ATRN: variants seen among roughly 807,000 people sequenced by gnomAD.
ATRN encodes attractin-2.
Under a neutral mutation model 178.7 loss-of-function variants are expected in ATRN, and 54 were observed. The ratio of observed to expected loss-of-function variants is 0.30; its 90% CI spans 0.24 to 0.38. ATRN has a LOEUF of 0.38. Among genes scored for constraint, ATRN ranks in the 10% least tolerant of loss-of-function variants. The pLI, the probability that ATRN is intolerant of heterozygous loss-of-function variation, is 1.00. For missense variants in ATRN, 1,443 were observed against 1,815.1 expected, an observed-to-expected ratio of 0.79 and a Z score of 3.73; for synonymous variants, 636 against 663.0, an observed-to-expected ratio of 0.96 and a Z score of 0.63.
At chr20:3,561,723 T>A (rs780595931) in intron 8 of ATRN, among the ~76,000 whole-genome samples, 10 of 152,220 alleles carry the variant, frequency 6.6e-5, no homozygotes, top group Non-Finnish European at 1.5e-4. Flanking sequence ...TAAATGTTCA[T>A]TTGAGTGAAC....
chr20:3,498,390 T>G (rs1396765830), intron 1 of ATRN, among the ~76,000 whole-genome samples: 1 of 152,094 alleles, frequency 6.6e-6, no homozygotes, highest in Admixed American at 6.6e-5. Context: ...AAAAGAGAAT[T>G]TTAGACCAAT....
At chr20:3,540,885 AT>A (rs1011087630) in intron 3 of ATRN, among the ~76,000 whole-genome samples, 22 of 151,910 alleles carry the variant, frequency 1.4e-4, no homozygotes, top group African/African-American at 3.4e-4. Flanking sequence ...TATTATATAT[AT>A]TTTTTTTCAA....
At chr20:3,643,488 A>T (rs1358968701) in intron 27 of ATRN, among the ~76,000 whole-genome samples, 2 of 151,602 alleles carry the variant, frequency 1.3e-5, no homozygotes, top group Non-Finnish European at 2.9e-5. Flanking sequence ...CAACATAGTG[A>T]GACCCCATTT....
intron 25 of ATRN, among the ~76,000 whole-genome samples, chr20:3,628,697 T>C (rs1036852262): frequency 1.3e-5 from 2 of 152,066 alleles, no homozygotes; most frequent in African/African-American, 4.8e-5. Context: ...ACCCCACAGA[T>C]TAAGCAGGAC....
chr20:3,535,922 G>A (rs2085525803), intron 2 of ATRN, among the ~76,000 whole-genome samples: 2 of 151,752 alleles, frequency 1.3e-5, no homozygotes, highest in African/African-American at 4.8e-5. Context: ...GAGCCACTGC[G>A]CCCAGCCACG....
intron 24 of ATRN, among the ~76,000 whole-genome samples, chr20:3,620,230 GT>G (rs1279990847): frequency 1.3e-5 from 1 of 76,018 alleles, no homozygotes; most frequent in Non-Finnish European, 2.5e-5. Context: ...GTTTTGTTTT[GT>G]TTTGTTTTGT....
At chr20:3,579,797 G>A (rs6139155) in intron 15 of ATRN, among the ~76,000 whole-genome samples, 14,106 of 152,200 alleles carry the variant, frequency 0.093, 995 homozygotes, top group East Asian at 0.32. Context: ...TTACCAAGCA[G>A]GGAGGAGTTG....
At chr20:3,576,300 G>A (rs1253181028) in intron 13 of ATRN, among the ~76,000 whole-genome samples, 4 of 152,044 alleles carry the variant, frequency 2.6e-5, no homozygotes, top group Admixed American at 6.6e-5. Context: ...GGTGTACAGC[G>A]GCCCATATTG....
intron 1 of ATRN, among the ~76,000 whole-genome samples, chr20:3,531,856 G>A (rs2085458019): frequency 6.6e-6 from 1 of 152,156 alleles, no homozygotes; most frequent in Non-Finnish European, 1.5e-5. Context: ...TGCATTATCT[G>A]TAAAATTATA....
intron 1 of ATRN, among the ~76,000 whole-genome samples, chr20:3,500,635 G>A (rs1016744487): frequency 4.1e-5 from 6 of 145,232 alleles, no homozygotes; most frequent in Admixed American, 2.2e-4. Context: ...GAATTGAACA[G>A]TGAGAACTCA....
Position 3,584,696 on chromosome 20 carries a change from A to G in ATRN, c.3000A>G (p.Pro1000=), listed in dbSNP as rs2086331801. 1 of 1,613,996 alleles carries G rather than the reference A, an allele frequency of 6.2e-7. No homozygotes were observed. The highest frequency in any genetic ancestry group is 1.3e-5 in the African/African-American group (1 of 74,904). ...YCTCSHCLEQ[P]GCGWCTDPSN... is the part of the protein sequence containing the mutation. ...CCTGTAGTCATTGCTTGGAGCAACC[A>G]GGCTGTGGCTGGTGTACTGATCCCA... The change falls in exon 18 of 29, where the codon CCA becomes CCG. Residue 1000 remains proline (P), a synonymous_variant. Coordinates refer to ENST00000262919, the MANE Select transcript of ATRN (RefSeq NM_139321.3).
At chr20:3,548,077 G>T (rs1423051137) in intron 5 of ATRN, among the ~76,000 whole-genome samples, 1 of 152,140 alleles carries the variant, frequency 6.6e-6, no homozygotes, top group African/African-American at 2.4e-5. Context: ...GTTAATAATT[G>T]AAGAATTTCA....
chr20:3,598,593 ATCTGCTG>A (rs988979258), intron 22 of ATRN, among the ~76,000 whole-genome samples: 33 of 152,236 alleles, frequency 2.2e-4, no homozygotes, highest in Non-Finnish European at 2.9e-4. Flanking sequence ...GGATTTTTTT[ATCTGCTG>A]TCATTAACGA....
chr20:3,557,553 C>T (rs2085895636), intron 6 of ATRN, among the ~76,000 whole-genome samples: 1 of 152,128 alleles, frequency 6.6e-6, no homozygotes, highest in Non-Finnish European at 1.5e-5. Flanking sequence ...AAAACAAAAA[C>T]CCTCTTGACA....
At chr20:3,535,594 C>G (rs974719469) in intron 2 of ATRN, among the ~76,000 whole-genome samples, 2 of 120,696 alleles carry the variant, frequency 1.7e-5, no homozygotes, top group African/African-American at 6.1e-5. Context: ...CGGTTACACA[C>G]ACACACACAC....
At chr20:3,635,533 G>T (rs564378063) in intron 26 of ATRN, among the ~76,000 whole-genome samples, 3 of 152,260 alleles carry the variant, frequency 2.0e-5, no homozygotes, top group Admixed American at 6.5e-5. Flanking sequence ...AAATGCTCAC[G>T]TGTATATAAG....
In ATRN at chr20:3,574,961, CTCT is replaced by C. The variant is rs2086184408; in HGVS notation, c.2093-864_2093-862del. On this transcript the variant is annotated intron_variant, in intron 12 of 28. Coordinates refer to ENST00000262919, the MANE Select transcript of ATRN (RefSeq NM_139321.3). ...GAGACAACATGGTTGTGCAGCTTCT[CTCT>C]TTTTTTTTTTTCAGACAGAGTCTCA... 1.4e-4 allele frequency among the ~76,000 whole-genome samples: 6 copies of C among 43,408 alleles called. 1 individual carries two copies. In the South Asian group the frequency reaches 5.6e-3, roughly 40 times the overall value. The allele number at this position is 43,408 out of a possible 152,430, so 28.5% of individuals were successfully genotyped here. A position where few individuals can be genotyped will look rare whatever the true frequency, so the allele number is the denominator to read the frequency against.
intron 1 of ATRN, among the ~76,000 whole-genome samples, chr20:3,498,072 G>C (rs1314375531): frequency 6.6e-6 from 1 of 152,108 alleles, no homozygotes; most frequent in Non-Finnish European, 1.5e-5. Context: ...AAATAAACTA[G>C]AAAATCTAGA....
chr20:3,479,098 C>T (rs2084580163), intron 1 of ATRN, among the ~76,000 whole-genome samples: 1 of 151,952 alleles, frequency 6.6e-6, no homozygotes, highest in Non-Finnish European at 1.5e-5. Flanking sequence ...ACTATGTTGC[C>T]CAGGCCAATC....
Sources: allele counts gnomAD v4.1 joint callset (sites outside exome capture counted in the v4.1 genomes callset), GRCh38; gene constraint gnomAD v4.1.1; transcripts MANE v1.5; gene names NCBI Gene and HGNC (gene_info 2026-07-23, HGNC 2026-07-21).